Variants in KALRN observed in about 807,000 individuals in gnomAD.
The protein encoded by KALRN is kalirin.
In KALRN, 70 loss-of-function variants were observed where a neutral mutation model predicts 353.7. The observed-to-expected ratio is 0.20, with a 90% CI of 0.16 to 0.24. KALRN has a LOEUF of 0.24. Among genes scored for constraint, KALRN ranks in the 10% least tolerant of loss-of-function variants. KALRN has a pLI of 1.00. For synonymous variants in KALRN, 1,391 were observed against 1,434.8 expected (o/e 0.97, Z 0.69); for missense variants, 2,791 against 3,756.7 (o/e 0.74, Z 6.72).
intron 9 of KALRN, among the ~76,000 whole-genome samples, chr3:124,337,825 G>C (rs1389732082): frequency 6.6e-6 from 1 of 152,144 alleles, no homozygotes; most frequent in Non-Finnish European, 1.5e-5. Context: ...TTCAGAACTT[G>C]TTATTGGTCT....
intron 1 of KALRN, among the ~76,000 whole-genome samples, chr3:124,173,682 C>T (rs9810758): frequency 0.28 from 42,451 of 152,026 alleles, 6,467 homozygotes; most frequent in East Asian, 0.47. Context: ...ATGGCGTGAT[C>T]TTGGCTCACT....
Position 124,655,841 on chromosome 3 carries a change from C to T in KALRN, c.5862+174C>T, listed in dbSNP as rs192171097. On this transcript the variant is annotated intron_variant, in intron 39 of 59. Coordinates refer to ENST00000682506, the MANE Select transcript of KALRN (RefSeq NM_001388419.1). ...ATATGTAGGCAATATTTTTCTTTTC[C>T]CCTTGAAATAAGATATTTAGAGGGA... 1.3e-3 allele frequency among the ~76,000 whole-genome samples: 194 copies of T among 152,098 alleles called. 2 individuals carry two copies. The highest frequency in any genetic ancestry group is 1.5e-3 in the Non-Finnish European group (101 of 67,992).
chr3:124,598,444 G>GT (rs1206974657), intron 34 of KALRN, among the ~76,000 whole-genome samples: 1 of 152,204 alleles, frequency 6.6e-6, no homozygotes, highest in Non-Finnish European at 1.5e-5. Flanking sequence ...CAGAGATCCA[G>GT]TGAGGCCAGT....
intron 1 of KALRN, among the ~76,000 whole-genome samples, chr3:124,119,737 A>G (rs1174237192): frequency 4.6e-5 from 7 of 152,228 alleles, no homozygotes; most frequent in East Asian, 1.9e-4. Flanking sequence ...TTGATTTTGA[A>G]GGTCCTGGGG....
intron 33 of KALRN, among the ~76,000 whole-genome samples, chr3:124,562,434 G>A (rs1335073498): frequency 5.9e-5 from 9 of 152,064 alleles, no homozygotes; most frequent in Admixed American, 5.9e-4. Flanking sequence ...CAGGGCACAG[G>A]GTAGAACCCT....
chr3:124,672,184 G>A (rs1291074599), intron 48 of KALRN, among the ~76,000 whole-genome samples: 4 of 152,174 alleles, frequency 2.6e-5, no homozygotes, highest in South Asian at 2.1e-4. Context: ...CTGGCCTCAG[G>A]CGATATGGCC....
intron 1 of KALRN, among the ~76,000 whole-genome samples, chr3:124,150,434 G>A (rs969491988): frequency 2.0e-5 from 3 of 151,976 alleles, no homozygotes; most frequent in Admixed American, 1.3e-4. Flanking sequence ...TGTGCACAAC[G>A]TGCAGGTTTG....
At chr3:124,638,107 G>A (rs2081574083) in intron 37 of KALRN, among the ~76,000 whole-genome samples, 1 of 152,034 alleles carries the variant, frequency 6.6e-6, no homozygotes, top group African/African-American at 2.4e-5. Flanking sequence ...AGCTTTTCCT[G>A]CAATTCTCAT....
At chr3:124,219,478 C>A (rs1236518204) in intron 1 of KALRN, among the ~76,000 whole-genome samples, 1 of 152,212 alleles carries the variant, frequency 6.6e-6, no homozygotes, top group Non-Finnish European at 1.5e-5. Context: ...GGCTGCCCGA[C>A]CTAGTTATCA....
intron 37 of KALRN, among the ~76,000 whole-genome samples, chr3:124,648,927 T>G (rs986361632): frequency 1.3e-5 from 2 of 152,206 alleles, no homozygotes; most frequent in African/African-American, 4.8e-5. Context: ...CTTCTTGACC[T>G]TTCCATATTT....
At chr3:124,584,571 C>T (rs1474159939) in intron 34 of KALRN, 18 of 1,315,668 alleles carry the variant, frequency 1.4e-5, no homozygotes, top group Non-Finnish European at 1.8e-5. Flanking sequence ...CGCTGCTGGC[C>T]AGGTCTCCTG....
At position 124,464,942 on chromosome 3, in the gene KALRN, A is replaced by G. The variant is rs150914855; in HGVS notation, c.4031+2309A>G. On this transcript the variant is annotated intron_variant, in intron 25 of 59. Coordinates refer to ENST00000682506, the MANE Select transcript of KALRN (RefSeq NM_001388419.1). Reference sequence around the variant, plus strand: ...ATTCTGTATCCCACCATAGGGCCCAATACAGCCACTGTGTTACAGCATAGC... The same window carrying G: ...ATTCTGTATCCCACCATAGGGCCCAGTACAGCCACTGTGTTACAGCATAGC... Among the ~76,000 whole-genome samples the G allele has an allele frequency of 6.0e-4, 92 of 152,136 alleles. 1 individual carries two copies. In the East Asian group the frequency reaches 0.014, roughly 24 times the overall value.
At chr3:124,679,705 A>G in intron 51 of KALRN, 188 bp downstream of exon 51, 2 of 671,360 alleles carry the variant, frequency 3.0e-6, no homozygotes, top group Non-Finnish European at 5.5e-6. Flanking sequence ...TTGGTAGAAA[A>G]CTCTACCTAG....
chr3:124,376,778 T>C (rs1428318675), intron 10 of KALRN, among the ~76,000 whole-genome samples: 1 of 152,100 alleles, frequency 6.6e-6, no homozygotes, highest in East Asian at 1.9e-4. Context: ...TTGGGTTGAG[T>C]GACTATTGAA....
At chr3:124,267,993 C>T (rs981578059) in intron 4 of KALRN, among the ~76,000 whole-genome samples, 4 of 152,182 alleles carry the variant, frequency 2.6e-5, no homozygotes, top group African/African-American at 9.7e-5. Flanking sequence ...GACCCAAACA[C>T]AGATATTAAT....
At chr3:124,187,357 C>A (rs1455546236) in intron 1 of KALRN, among the ~76,000 whole-genome samples, 1 of 152,226 alleles carries the variant, frequency 6.6e-6, no homozygotes. Context: ...GCTGGGATTA[C>A]AGGTGTGAGC....
chr3:124,335,301 A>T (rs1300222063), intron 9 of KALRN, among the ~76,000 whole-genome samples: 3 of 151,510 alleles, frequency 2.0e-5, no homozygotes, highest in Admixed American at 1.3e-4. Context: ...CAGATTTAAA[A>T]CCTGGGCTGT....
At chr3:124,103,341 T>C (rs968641023) in intron 1 of KALRN, among the ~76,000 whole-genome samples, 11 of 152,100 alleles carry the variant, frequency 7.2e-5, no homozygotes, top group African/African-American at 2.7e-4. Flanking sequence ...CTTGCCCAGA[T>C]ATGGCATGTC....
intron 1 of KALRN, among the ~76,000 whole-genome samples, chr3:124,137,804 G>A (rs1311743807): frequency 1.3e-5 from 2 of 152,182 alleles, no homozygotes; most frequent in African/African-American, 4.8e-5. Flanking sequence ...GGTGCTCTGG[G>A]TGTGGGTCGG....
Sources: allele counts gnomAD v4.1 joint callset (sites outside exome capture counted in the v4.1 genomes callset), GRCh38; gene constraint gnomAD v4.1.1; transcripts MANE v1.5; gene names NCBI Gene and HGNC (gene_info 2026-07-23, HGNC 2026-07-21).